Variants in GTF2IRD1 observed in about 807,000 individuals in gnomAD.
GTF2IRD1 encodes the protein general transcription factor II-I repeat domain-containing protein 1.
Under a neutral mutation model 113.2 loss-of-function variants are expected in GTF2IRD1, and 26 were observed. That is an observed-to-expected ratio of 0.23 (90% confidence interval 0.17 to 0.32). The LOEUF is 0.32. GTF2IRD1 is among the 10% of genes least tolerant of loss of function. The pLI, the probability that GTF2IRD1 is intolerant of heterozygous loss-of-function variation, is 1.00. For synonymous variants in GTF2IRD1, 484 were observed against 529.1 expected (o/e 0.91, Z 1.17); for missense variants, 864 against 1,280.8 (o/e 0.67, Z 4.97).
In GTF2IRD1 at chr7:74,548,955, G is replaced by GT. The variant is rs1346347889; in HGVS notation, c.1916+1672dup. On this transcript the variant is annotated intron_variant, in intron 17 of 26. Transcript: ENST00000424337. ...TGGGAGGATCATATTTCCATTTTGTGTTTGTTACTTCTGTGTTACTGTAAT... is the reference window on the plus strand; with the variant it reads ...TGGGAGGATCATATTTCCATTTTGTGTTTTGTTACTTCTGTGTTACTGTAAT... Among the ~76,000 whole-genome samples, 8 of 151,962 alleles carry GT rather than the reference G, an allele frequency of 5.3e-5. No homozygotes were observed. In the South Asian group the frequency reaches 1.7e-3, roughly 32 times the overall value.
chr7:74,591,949 C>A (rs1554369835), intron 24 of GTF2IRD1, among the ~76,000 whole-genome samples: 1 of 150,436 alleles, frequency 6.6e-6, no homozygotes, highest in African/African-American at 2.4e-5. Context: ...TTTTTTAATA[C>A]AATAGATTAT....
intron 7 of GTF2IRD1, among the ~76,000 whole-genome samples, chr7:74,521,538 G>A (rs1158526100): frequency 6.6e-6 from 1 of 152,090 alleles, no homozygotes; most frequent in African/African-American, 2.4e-5. Context: ...GAGGCAGGAG[G>A]GTTGCTTGAA....
At chr7:74,574,923 T>C (rs782107519) in intron 22 of GTF2IRD1, among the ~76,000 whole-genome samples, 17 of 151,970 alleles carry the variant, frequency 1.1e-4, no homozygotes, top group Non-Finnish European at 2.2e-4. Flanking sequence ...ACTCCGTTTC[T>C]ACTAAAAATA....
intron 22 of GTF2IRD1, among the ~76,000 whole-genome samples, chr7:74,564,015 T>TTTTTG (rs1158200381): frequency 1.3e-5 from 2 of 151,658 alleles, no homozygotes; most frequent in African/African-American, 4.8e-5. Flanking sequence ...TGCTTTTTTG[T>TTTTTG]TTTTGTTTTG....
At chr7:74,575,105 CA>C (rs57578830) in intron 22 of GTF2IRD1, among the ~76,000 whole-genome samples, 151,957 of 152,062 alleles carry the variant, frequency 1, 75,926 homozygotes, top group Middle Eastern at 1. Flanking sequence ...TACAAAAAAA[CA>C]AAAAAAACCC....
chr7:74,457,988 C>T (rs1173629601), intron 1 of GTF2IRD1, among the ~76,000 whole-genome samples: 4 of 150,740 alleles, frequency 2.7e-5, no homozygotes, highest in Admixed American at 6.6e-5. Flanking sequence ...AAGCGATTCT[C>T]CTGCCTCAAG....
intron 1 of GTF2IRD1, among the ~76,000 whole-genome samples, chr7:74,505,302 T>C (rs1796243379): frequency 1.3e-5 from 2 of 152,232 alleles, no homozygotes; most frequent in Admixed American, 1.3e-4. Context: ...CTTCCCCCGC[T>C]TCTCCTGCTG....
chr7:74,496,657 T>G (rs574808159), intron 1 of GTF2IRD1, among the ~76,000 whole-genome samples: 2 of 151,676 alleles, frequency 1.3e-5, no homozygotes, highest in African/African-American at 2.4e-5. Flanking sequence ...TGTGGGTGTG[T>G]GTGTGAGTGT....
At chr7:74,460,268 T>G (rs1206511470) in intron 1 of GTF2IRD1, among the ~76,000 whole-genome samples, 2 of 151,728 alleles carry the variant, frequency 1.3e-5, no homozygotes, top group Non-Finnish European at 2.9e-5. Flanking sequence ...CTTTTTCATT[T>G]TTATTTTATT....
intron 8 of GTF2IRD1, among the ~76,000 whole-genome samples, chr7:74,525,527 G>A: frequency 6.6e-6 from 1 of 152,212 alleles, no homozygotes; most frequent in Non-Finnish European, 1.5e-5. Context: ...CGAGGCAGGT[G>A]AATCACTTGA....
intron 22 of GTF2IRD1, among the ~76,000 whole-genome samples, chr7:74,571,397 A>G (rs1554362652): frequency 6.6e-6 from 1 of 152,190 alleles, no homozygotes; most frequent in Non-Finnish European, 1.5e-5. Flanking sequence ...AGGGCCCTTC[A>G]GGCCTGGCCC....
chr7:74,543,495 A>G (rs1798743282), intron 14 of GTF2IRD1, among the ~76,000 whole-genome samples: 1 of 152,162 alleles, frequency 6.6e-6, no homozygotes, highest in Non-Finnish European at 1.5e-5. Context: ...ACAACAACAA[A>G]AAAAGAAAAT....
At chr7:74,544,548 T>C (rs1276366197) in intron 14 of GTF2IRD1, among the ~76,000 whole-genome samples, 5 of 152,276 alleles carry the variant, frequency 3.3e-5, no homozygotes, top group East Asian at 3.9e-4. Flanking sequence ...GGGAGGTGCA[T>C]GCAAAATGAT....
At chr7:74,516,436 A>G (rs933411567) in intron 4 of GTF2IRD1, among the ~76,000 whole-genome samples, 2 of 152,232 alleles carry the variant, frequency 1.3e-5, no homozygotes, top group Non-Finnish European at 2.9e-5. Context: ...TCCTGCAGGA[A>G]GAGGAGACCT....
At chr7:74,566,255 T>C (rs1006316075) in intron 22 of GTF2IRD1, among the ~76,000 whole-genome samples, 2 of 152,220 alleles carry the variant, frequency 1.3e-5, no homozygotes, top group African/African-American at 4.8e-5. Context: ...CTCTGTTCCC[T>C]CTTCAGGCTG....
At chr7:74,501,669 C>T (rs1025826175) in intron 1 of GTF2IRD1, among the ~76,000 whole-genome samples, 4 of 152,084 alleles carry the variant, frequency 2.6e-5, no homozygotes, top group South Asian at 2.1e-4. Context: ...TTTCTTTTTT[C>T]GAAAAGGAGT....
intron 9 of GTF2IRD1, among the ~76,000 whole-genome samples, chr7:74,532,424 TG>T (rs1554349111): frequency 6.6e-6 from 1 of 152,098 alleles, no homozygotes; most frequent in African/African-American, 2.4e-5. Flanking sequence ...CCTGGTGGTA[TG>T]CACCTGTAGT....
Position 74,555,033 on chromosome 7 carries a change from G to A in GTF2IRD1, c.1917-141G>A, listed in dbSNP as rs77794246. Reference sequence around the variant, plus strand: ...GCCCCCCAGATTCCACATGTGGGGCGGCAGGGACTCCAGGCCTGAACTATG... The same window carrying A: ...GCCCCCCAGATTCCACATGTGGGGCAGCAGGGACTCCAGGCCTGAACTATG... On this transcript the variant is annotated intron_variant, in intron 17 of 26. Coordinates refer to ENST00000424337, the MANE Select transcript of GTF2IRD1 (RefSeq NM_005685.4). The surrounding 1 kb of genome is among the most constrained non-coding windows in gnomAD (Gnocchi z 5.3). 3,584 of 701,538 alleles carry A rather than the reference G, an allele frequency of 5.1e-3. 16 individuals are homozygous for A. Among genetic ancestry groups the A allele is most frequent in the African/African-American group, 7.6e-3 (428 of 55,992 alleles). 43.5% of individuals were successfully genotyped at this position (701,538 alleles called of 1,614,324 possible).
At chr7:74,458,405 C>T (rs1399445106) in intron 1 of GTF2IRD1, among the ~76,000 whole-genome samples, 3 of 146,426 alleles carry the variant, frequency 2.0e-5, no homozygotes, top group Admixed American at 6.8e-5. Context: ...GTTGGGGGCT[C>T]CAGATACGGC....
Sources: allele counts gnomAD v4.1 joint callset (sites outside exome capture counted in the v4.1 genomes callset), GRCh38; gene constraint gnomAD v4.1.1; non-coding constraint Gnocchi (gnomAD v3.1); transcripts MANE v1.5; gene names NCBI Gene and HGNC (gene_info 2026-07-23, HGNC 2026-07-21).